Variants in EYS observed in about 807,000 individuals in gnomAD.
The protein encoded by EYS is EGF-like photoreceptor maintenance factor, also known as protein eyes shut homolog.
Under a neutral mutation model 282.1 loss-of-function variants are expected in EYS, and 250 were observed. The observed-to-expected ratio is 0.89, with a 90% confidence interval of 0.80 to 0.98. The LOEUF is 0.98. Among genes scored for constraint, EYS ranks in the 50% least tolerant of loss-of-function variants. The pLI is 0.00. For missense variants in EYS, 4,016 were observed against 3,709.0 expected, an observed-to-expected ratio of 1.08 and a Z score of -2.15; for synonymous variants, 1,355 against 1,282.9, an observed-to-expected ratio of 1.06 and a Z score of -1.20.
intron 5 of EYS, among the ~76,000 whole-genome samples, chr6:65,448,246 G>A (rs1764270034): frequency 6.6e-6 from 1 of 151,954 alleles, no homozygotes; most frequent in South Asian, 2.1e-4. Context: ...TACACACACT[G>A]CACGGCATTA....
chr6:64,975,394 AG>A, intron 14 of EYS, among the ~76,000 whole-genome samples: 1 of 151,878 alleles, frequency 6.6e-6, no homozygotes, highest in Non-Finnish European at 1.5e-5. Context: ...ATAATTCCCC[AG>A]GAGGAAAGGG....
chr6:64,246,862 A>G (rs539812645), intron 30 of EYS, among the ~76,000 whole-genome samples: 1 of 152,336 alleles, frequency 6.6e-6, no homozygotes, highest in East Asian at 1.9e-4. Context: ...AAATGCAAAA[A>G]GTATGTAGAT....
Position 65,049,385 on chromosome 6 carries a change from T to C in EYS, c.2137+8229A>G, listed in dbSNP as rs1186632873. Among the ~76,000 whole-genome samples, 5 of 151,782 alleles carry C rather than the reference T, an allele frequency of 3.3e-5. No homozygotes were observed. The East Asian group carries it at 9.7e-4, about 29-fold the overall frequency. ...AAATTTATTCCAGGAACATGTATAA[T>C]ACGAGGATATGCATGGCAGTTTAGC... On this transcript the variant is annotated intron_variant, in intron 13 of 42. Coordinates refer to ENST00000503581, the MANE Select transcript of EYS (RefSeq NM_001142800.2).
chr6:65,285,022 C>A (rs1768321401), intron 12 of EYS, among the ~76,000 whole-genome samples: 1 of 151,672 alleles, frequency 6.6e-6, no homozygotes, highest in Admixed American at 6.6e-5. Flanking sequence ...TTGATGTTTT[C>A]TGGCTATGTT....
At chr6:65,164,581 C>A (rs77707778) in intron 12 of EYS, among the ~76,000 whole-genome samples, 6,048 of 151,222 alleles carry the variant, frequency 0.04, 129 homozygotes, top group Middle Eastern at 0.051. Context: ...ATCTATCTAT[C>A]TTTATTATCT....
chr6:64,872,852 C>T (rs548366568), intron 19 of EYS, among the ~76,000 whole-genome samples: 1 of 151,982 alleles, frequency 6.6e-6, no homozygotes, highest in Admixed American at 6.6e-5. Context: ...CATAAATGGA[C>T]CAGGAAGTAT....
intron 1 of EYS, among the ~76,000 whole-genome samples, chr6:65,684,069 T>G (rs925186176): frequency 1.3e-5 from 2 of 152,022 alleles, no homozygotes; most frequent in South Asian, 4.1e-4. Flanking sequence ...TGCCTTAGAA[T>G]TTATTAAAGT....
intron 22 of EYS, among the ~76,000 whole-genome samples, chr6:64,775,183 A>C (rs1402832780): frequency 2.6e-5 from 4 of 151,986 alleles, no homozygotes; most frequent in Non-Finnish European, 5.9e-5. Flanking sequence ...AATATGAGTC[A>C]ACAAACAGAC....
rs1337558789 is a variant in EYS at position 64,857,875 on chromosome 6, C to T, written c.2992+28822G>A. 2.6e-5 allele frequency among the ~76,000 whole-genome samples: 4 copies of T among 152,032 alleles called. No individual in the cohort carries two copies. The East Asian group carries it at 7.7e-4, about 29-fold the overall frequency. ...TTATTAGTGATGTTGAGCATTTTTT[C>T]ATATACCTATCGACCATTTGCATGT... On this transcript the variant is annotated intron_variant, in intron 19 of 42. Transcript: ENST00000503581.
At chr6:64,084,653 G>C (rs144500208) in intron 31 of EYS, among the ~76,000 whole-genome samples, 45 of 152,234 alleles carry the variant, frequency 3.0e-4, no homozygotes, top group African/African-American at 1.1e-3. Flanking sequence ...GGGGAGCAGT[G>C]GTTCCAAGAA....
At chr6:64,920,432 T>G (rs1768301829) in intron 15 of EYS, among the ~76,000 whole-genome samples, 1 of 152,010 alleles carries the variant, frequency 6.6e-6, no homozygotes, top group Non-Finnish European at 1.5e-5. Flanking sequence ...TCCTTAATGG[T>G]GTGTGTGTGT....
chr6:65,263,764 A>G (rs188675962), intron 12 of EYS, among the ~76,000 whole-genome samples: 15 of 150,790 alleles, frequency 9.9e-5, no homozygotes, highest in Admixed American at 9.3e-4. Flanking sequence ...ATAAAAAACA[A>G]TTGTGGTAGC....
At chr6:63,735,283 G>A (rs767070760) in intron 41 of EYS, among the ~76,000 whole-genome samples, 115 of 152,088 alleles carry the variant, frequency 7.6e-4, no homozygotes, top group Non-Finnish European at 1.2e-3. Context: ...GAGTGTTGAG[G>A]GTGCTTATAA....
chr6:64,143,816 T>C (rs536006771), intron 31 of EYS, among the ~76,000 whole-genome samples: 10 of 152,218 alleles, frequency 6.6e-5, no homozygotes, highest in African/African-American at 1.9e-4. Flanking sequence ...GGTATATATA[T>C]AGTCAATTAT....
chr6:65,272,856 C>G (rs991441318), intron 12 of EYS, among the ~76,000 whole-genome samples: 3 of 152,000 alleles, frequency 2.0e-5, no homozygotes, highest in South Asian at 2.1e-4. Context: ...GCATGAGCGG[C>G]CTTAATCTCC....
intron 13 of EYS, among the ~76,000 whole-genome samples, chr6:65,002,514 G>T (rs1308308717): frequency 6.8e-6 from 1 of 147,106 alleles, no homozygotes; most frequent in South Asian, 2.2e-4. Flanking sequence ...TTTATATCTG[G>T]GTGGCTTCAC....
chr6:63,723,787 G>A (rs1768501822), intron 42 of EYS, among the ~76,000 whole-genome samples: 1 of 127,556 alleles, frequency 7.8e-6, no homozygotes, highest in Non-Finnish European at 1.6e-5. Context: ...GTACACATTG[G>A]CATTATTATT....
intron 31 of EYS, among the ~76,000 whole-genome samples, chr6:64,191,476 T>TCCCCCCCCCCCCCCCCC (rs542212151): frequency 7.2e-6 from 1 of 139,162 alleles, no homozygotes; most frequent in Non-Finnish European, 1.5e-5. Context: ...GTGCTATCCC[T>TCCCCCCCCCCCCCCCCC]TCCCCCCCCA....
intron 26 of EYS, among the ~76,000 whole-genome samples, chr6:64,449,694 C>T (rs1347900555): frequency 6.6e-6 from 1 of 151,880 alleles, no homozygotes; most frequent in Non-Finnish European, 1.5e-5. Context: ...AGAGTGGGGG[C>T]CAATACTCAA....
Sources: gnomAD v4.1 joint callset for allele counts (sites outside exome capture counted in the v4.1 genomes callset) on GRCh38, gnomAD v4.1.1 for gene constraint, MANE v1.5 for transcripts, NCBI Gene and HGNC (gene_info 2026-07-23, HGNC 2026-07-21) for gene names.